Variants in FMNL2 observed in about 807,000 individuals in gnomAD.
FMNL2 encodes formin-like protein 2.
Under a neutral mutation model 130.2 loss-of-function variants are expected in FMNL2, and 51 were observed. That is an observed-to-expected ratio of 0.39 (90% confidence interval 0.31 to 0.49). The LOEUF is 0.49. FMNL2 is among the 20% of genes least tolerant of loss of function. The pLI is 0.85. For synonymous variants in FMNL2, 465 were observed against 467.1 expected (o/e 1.00, Z 0.06); for missense variants, 977 against 1,316.2 (o/e 0.74, Z 3.99).
At chr2:152,520,499 G>A (rs1331032510) in intron 1 of FMNL2, among the ~76,000 whole-genome samples, 1 of 151,652 alleles carries the variant, frequency 6.6e-6, no homozygotes, top group Non-Finnish European at 1.5e-5. Context: ...GGAGGCTGAG[G>A]CAGGACAATT....
chr2:152,411,350 G>A (rs1686281985), intron 1 of FMNL2, among the ~76,000 whole-genome samples: 1 of 152,160 alleles, frequency 6.6e-6, no homozygotes, highest in African/African-American at 2.4e-5. Flanking sequence ...ACCACCAGTG[G>A]GAGGAAGAAT....
chr2:152,530,801 A>G (rs1693645410), intron 2 of FMNL2, among the ~76,000 whole-genome samples: 1 of 152,240 alleles, frequency 6.6e-6, no homozygotes, highest in Non-Finnish European at 1.5e-5. Context: ...TGAGGTGTCT[A>G]CAGTCTTTAT....
chr2:152,640,424 G>A (rs188699056), intron 24 of FMNL2, among the ~76,000 whole-genome samples: 1 of 152,182 alleles, frequency 6.6e-6, no homozygotes, highest in Non-Finnish European at 1.5e-5. Context: ...CAGGAATGGA[G>A]GGAACATTTC....
intron 1 of FMNL2, among the ~76,000 whole-genome samples, chr2:152,399,970 TGA>T (rs1685597494): frequency 2.0e-5 from 3 of 152,010 alleles, no homozygotes; most frequent in African/African-American, 4.8e-5. Flanking sequence ...GAAAGTGGTG[TGA>T]CATTTACTGA....
chr2:152,555,544 C>A (rs1315506342), intron 4 of FMNL2, among the ~76,000 whole-genome samples: 3 of 152,122 alleles, frequency 2.0e-5, no homozygotes, highest in Non-Finnish European at 4.4e-5. Flanking sequence ...GGAGACAGAA[C>A]AAAGATTTGA....
At chr2:152,571,286 A>G (rs182961849) in intron 6 of FMNL2, among the ~76,000 whole-genome samples, 24 of 152,306 alleles carry the variant, frequency 1.6e-4, no homozygotes, top group African/African-American at 5.3e-4. Flanking sequence ...ATTTCAGTTT[A>G]GGGAACATGC....
intron 1 of FMNL2, among the ~76,000 whole-genome samples, chr2:152,437,076 A>G (rs764284768): frequency 6.6e-6 from 1 of 152,132 alleles, no homozygotes; most frequent in Non-Finnish European, 1.5e-5. Flanking sequence ...CACATGGTGG[A>G]AAGAGAGACC....
At chr2:152,476,717 A>G (rs1212827366) in intron 1 of FMNL2, among the ~76,000 whole-genome samples, 2 of 151,888 alleles carry the variant, frequency 1.3e-5, no homozygotes, top group African/African-American at 2.4e-5. Context: ...AAAATTGTAG[A>G]TGAGAGATAG....
chr2:152,540,644 G>A (rs1694256703), intron 2 of FMNL2, among the ~76,000 whole-genome samples: 1 of 137,712 alleles, frequency 7.3e-6, no homozygotes, highest in Admixed American at 8.3e-5. Context: ...TGAACAATGA[G>A]ATCACATGGA....
intron 1 of FMNL2, among the ~76,000 whole-genome samples, chr2:152,509,329 G>T (rs923813468): frequency 2.0e-5 from 3 of 151,744 alleles, no homozygotes; most frequent in African/African-American, 4.8e-5. Context: ...TGTTATAGTT[G>T]TTGTGCATTG....
intron 1 of FMNL2, among the ~76,000 whole-genome samples, chr2:152,433,932 C>G (rs1268651739): frequency 6.6e-6 from 1 of 152,100 alleles, no homozygotes; most frequent in Non-Finnish European, 1.5e-5. Context: ...TTGAAAATCT[C>G]AAATGCAAGG....
At chr2:152,470,141 C>T (rs1433566009) in intron 1 of FMNL2, among the ~76,000 whole-genome samples, 3 of 152,142 alleles carry the variant, frequency 2.0e-5, no homozygotes, top group South Asian at 4.1e-4. Flanking sequence ...CTCTCCCCTC[C>T]CTAATAAAGG....
chr2:152,515,980 G>A (rs1003157692), intron 1 of FMNL2, among the ~76,000 whole-genome samples: 8 of 152,098 alleles, frequency 5.3e-5, no homozygotes, highest in Non-Finnish European at 1.2e-4. Context: ...GTAGAGTCAG[G>A]ATTAGAATCT....
At chr2:152,531,689 T>C (rs1693708803) in intron 2 of FMNL2, among the ~76,000 whole-genome samples, 1 of 152,098 alleles carries the variant, frequency 6.6e-6, no homozygotes, top group Non-Finnish European at 1.5e-5. Context: ...TTGGCCAGGC[T>C]GCTTTTGAAC....
At chr2:152,643,128 T>C (rs1272131294) in intron 25 of FMNL2, among the ~76,000 whole-genome samples, 1 of 152,236 alleles carries the variant, frequency 6.6e-6, no homozygotes, top group Non-Finnish European at 1.5e-5. Flanking sequence ...TCTATTTGCT[T>C]GATCTAAGTC....
intron 1 of FMNL2, among the ~76,000 whole-genome samples, chr2:152,481,038 GC>G (rs1690490934): frequency 6.6e-6 from 1 of 152,216 alleles, no homozygotes; most frequent in Non-Finnish European, 1.5e-5. Context: ...ATCTTAGTCT[GC>G]AGATTTGAAG....
chr2:152,405,149 C>T (rs1332091106), intron 1 of FMNL2, among the ~76,000 whole-genome samples: 1 of 152,164 alleles, frequency 6.6e-6, no homozygotes, highest in African/African-American at 2.4e-5. Flanking sequence ...TCCCTGGCAT[C>T]TAGCTGCTTG....
chr2:152,516,985 A>G (rs1692807888), intron 1 of FMNL2, among the ~76,000 whole-genome samples: 1 of 66,806 alleles, frequency 1.5e-5, no homozygotes, highest in Non-Finnish European at 3.0e-5. Flanking sequence ...GCAAATTAAG[A>G]TTGTACAATT....
intron 1 of FMNL2, among the ~76,000 whole-genome samples, chr2:152,388,433 T>G (rs1002267136): frequency 1.3e-5 from 2 of 152,122 alleles, no homozygotes; most frequent in Non-Finnish European, 2.9e-5. Context: ...ATGAACGGAA[T>G]GGGAGAAAAG....
Sources: gnomAD v4.1 joint callset for allele counts (sites outside exome capture counted in the v4.1 genomes callset) on GRCh38, gnomAD v4.1.1 for gene constraint, MANE v1.5 for transcripts, NCBI Gene and HGNC (gene_info 2026-07-23, HGNC 2026-07-21) for gene names.